Variants in ATXN2 observed in about 807,000 individuals in gnomAD.
ATXN2 encodes the protein ataxin 2.
A neutral mutation model predicts 138.6 loss-of-function variants in ATXN2; 37 were observed. The observed-to-expected ratio is 0.27, with a 90% CI of 0.21 to 0.35. The LOEUF is 0.35. ATXN2 is among the 10% of genes least tolerant of loss of function. The probability of loss-of-function intolerance (pLI) is 1.00; values close to 1 mark genes in which losing one functional copy is unlikely to be tolerated. For missense variants in ATXN2, 1,216 were observed against 1,480.3 expected (o/e 0.82, Z 2.93); for synonymous variants, 549 against 543.7 (o/e 1.01, Z -0.13).
intron 1 of ATXN2, among the ~76,000 whole-genome samples, chr12:111,597,144 C>CA (rs1592943062): frequency 8.4e-6 from 1 of 119,418 alleles, no homozygotes; most frequent in East Asian, 2.4e-4. Context: ...GCTTCAGACT[C>CA]AGAGAAGGGG....
chr12:111,577,431 A>C (rs1336833606), intron 1 of ATXN2, among the ~76,000 whole-genome samples: 1 of 151,418 alleles, frequency 6.6e-6, no homozygotes, highest in Non-Finnish European at 1.5e-5. Flanking sequence ...ACACCCGGTT[A>C]ATTTTTAGTA....
intron 1 of ATXN2, among the ~76,000 whole-genome samples, chr12:111,558,501 A>G (rs538825306): frequency 6.6e-6 from 1 of 152,334 alleles, no homozygotes; most frequent in South Asian, 2.1e-4. Context: ...TCAAATTAAT[A>G]TAAAGAAATT....
At chr12:111,480,527 T>C (rs1325207518) in intron 18 of ATXN2, among the ~76,000 whole-genome samples, 1 of 151,950 alleles carries the variant, frequency 6.6e-6, no homozygotes, top group Non-Finnish European at 1.5e-5. Flanking sequence ...ATACAAAAAT[T>C]AGCTGGGTGT....
chr12:111,538,105 GA>G (rs549612470), intron 5 of ATXN2, among the ~76,000 whole-genome samples: 2,272 of 132,816 alleles, frequency 0.017, 58 homozygotes, highest in African/African-American at 0.057. Context: ...CAAAATAGAA[GA>G]AAAAAAAAAA....
rs757060336 is a variant in ATXN2, at chr12:111,510,015, TA to T, written c.1757-18del. 18 of 1,542,766 alleles carry T rather than the reference TA, an allele frequency of 1.2e-5. No homozygotes were observed. In the East Asian group the frequency reaches 3.4e-4, roughly 29 times the overall value. On this transcript the variant is annotated intron_variant, in intron 12 of 24. Coordinates refer to ENST00000673436, the MANE Select transcript of ATXN2 (RefSeq NM_001372574.1). Reference sequence around the variant, plus strand: ...AATCTTTAGCTAGAAAACAATTTTTTAAAAAAAATTCAGATAAGTTAGAAAA... The same window carrying T: ...AATCTTTAGCTAGAAAACAATTTTTTAAAAAAATTCAGATAAGTTAGAAAA...
In ATXN2 at chr12:111,598,669, G is replaced by A. The variant is rs1885065660; in HGVS notation, c.251+115C>T. On this transcript the variant is annotated intron_variant, in intron 1 of 24. Coordinates refer to ENST00000673436, the MANE Select transcript of ATXN2 (RefSeq NM_001372574.1). The surrounding 1 kb of genome is among the most constrained non-coding windows in gnomAD (Gnocchi z 4.5). ...CCGAGCGAGTCTCCCCCGCGCTGCCGGCCCCCAGCCCACCCCGGGTAGCCC... is the reference window on the plus strand; with the variant it reads ...CCGAGCGAGTCTCCCCCGCGCTGCCAGCCCCCAGCCCACCCCGGGTAGCCC... The A allele has an allele frequency of 2.3e-6, 2 of 887,288 alleles. No homozygotes were observed. Among genetic ancestry groups the A allele is most frequent in the Non-Finnish European group, 2.7e-6 (2 of 734,098 alleles). 55.0% of individuals were successfully genotyped at this position (887,288 alleles called of 1,614,324 possible).
At chr12:111,492,032 C>A (rs1482103527) in intron 14 of ATXN2, among the ~76,000 whole-genome samples, 7 of 152,106 alleles carry the variant, frequency 4.6e-5, no homozygotes, top group Non-Finnish European at 8.8e-5. Flanking sequence ...ACTAAAGCAC[C>A]CTTGGGCCTT....
At chr12:111,589,414 T>C (rs906025917) in intron 1 of ATXN2, among the ~76,000 whole-genome samples, 4 of 152,002 alleles carry the variant, frequency 2.6e-5, no homozygotes, top group Non-Finnish European at 5.9e-5. Flanking sequence ...GGGCAAATTG[T>C]TTGAGGTCAG....
intron 8 of ATXN2, 146 bp from the exon 9 acceptor site, chr12:111,518,573 G>A (rs1879982637): frequency 1.3e-6 from 1 of 779,680 alleles, no homozygotes; most frequent in Non-Finnish European, 1.9e-6. Context: ...AGATGCCCCT[G>A]TTCTTCCATC....
intron 14 of ATXN2, among the ~76,000 whole-genome samples, chr12:111,505,160 G>A (rs1429870404): frequency 6.6e-6 from 1 of 152,112 alleles, no homozygotes; most frequent in East Asian, 1.9e-4. Flanking sequence ...TGTGAGCCAA[G>A]ATTGCACCAC....
intron 1 of ATXN2, among the ~76,000 whole-genome samples, chr12:111,568,124 G>T (rs373051326): frequency 6.6e-6 from 1 of 151,990 alleles, no homozygotes; most frequent in Non-Finnish European, 1.5e-5. Flanking sequence ...AGCCGGGCGT[G>T]GTGGCACATG....
At position 111,597,965 on chromosome 12, in the gene ATXN2, A is replaced by G. The variant is rs114582053; in HGVS notation, c.251+819T>C. 547 of 1,228,476 alleles carry G rather than the reference A, an allele frequency of 4.5e-4. 3 individuals are homozygous for G. In the African/African-American group the frequency reaches 8.1e-3, roughly 18 times the overall value. The allele number at this position is 1,228,476 out of a possible 1,614,324, so 76.1% of individuals were successfully genotyped here. A position where few individuals can be genotyped will look rare whatever the true frequency, so the allele number is the denominator to read the frequency against. ...ACTGCGGCCTCGAACAGCAATGCGGATCGGCCACCACCCGCGCGCCGGAGA... is the reference window on the plus strand; with the variant it reads ...ACTGCGGCCTCGAACAGCAATGCGGGTCGGCCACCACCCGCGCGCCGGAGA... On this transcript the variant is annotated intron_variant, in intron 1 of 24. Coordinates refer to ENST00000673436, the MANE Select transcript of ATXN2 (RefSeq NM_001372574.1).
intron 9 of ATXN2, 141 bp downstream of exon 9, chr12:111,518,108 T>A: frequency 1.4e-6 from 1 of 699,436 alleles, no homozygotes. Context: ...AAAGCCAATT[T>A]TAAGTAATGC....
Position 111,598,840 on chromosome 12 carries a change from C to G in ATXN2, c.195G>C (p.Thr65=). ...SSSSVSSSSA[T]APSSVVAATS... ...TCGCCGCGACCACCGAGGAGGGAGC[C>G]GTGGCCGAGGACGAGGAGACCGAGG... The change falls in exon 1 of 25, where the codon ACG becomes ACC. Residue 65 remains threonine (T), a synonymous_variant. Transcript: ENST00000673436. This position sits in a 1 kb window ranked among gnomAD's most constrained non-coding sequence, Gnocchi z 4.5. 1 of 1,468,042 alleles carries G rather than the reference C, an allele frequency of 6.8e-7. No homozygotes were observed. Among genetic ancestry groups the G allele is most frequent in the South Asian group, 1.3e-5 (1 of 78,426 alleles). The allele number at this position is 1,468,042 out of a possible 1,614,324, so 90.9% of individuals were successfully genotyped here. A position where few individuals can be genotyped will look rare whatever the true frequency, so the allele number is the denominator to read the frequency against.
At position 111,488,481 on chromosome 12, in the gene ATXN2, T is replaced by C. The variant is rs1220668527; in HGVS notation, c.2235A>G (p.Ala745=). ...TAAGTTCCAGGTTTACTCACTCAGC[T>C]GCGTCTTTCTTCTCTTCCTTATCGT... ...EKDDKEEKKD[A]AEQVRKSTLN... is the part of the protein sequence containing the mutation. Residue 745 remains alanine (A), a synonymous_variant, in exon 15 of 25, where the codon GCA becomes GCG. Coordinates refer to ENST00000673436, the MANE Select transcript of ATXN2 (RefSeq NM_001372574.1). 2 of 1,607,450 alleles carry C rather than the reference T, an allele frequency of 1.2e-6. No individual in the cohort carries two copies. The highest frequency in any genetic ancestry group is 1.7e-6 in the Non-Finnish European group (2 of 1,176,164).
At chr12:111,529,594 T>C (rs1372237527) in intron 5 of ATXN2, among the ~76,000 whole-genome samples, 1 of 152,186 alleles carries the variant, frequency 6.6e-6, no homozygotes, top group Non-Finnish European at 1.5e-5. Context: ...GGGCAGAAAC[T>C]TAGTCATTTT....
intron 1 of ATXN2, among the ~76,000 whole-genome samples, chr12:111,558,310 A>C (rs1029706174): frequency 6.6e-6 from 1 of 152,182 alleles, no homozygotes; most frequent in African/African-American, 2.4e-5. Flanking sequence ...CTCAAACCAA[A>C]TATTTTACTA....
intron 1 of ATXN2, among the ~76,000 whole-genome samples, chr12:111,560,488 C>T (rs1256608240): frequency 6.6e-6 from 1 of 152,056 alleles, no homozygotes; most frequent in East Asian, 1.9e-4. Flanking sequence ...TGTAGCTTAA[C>T]AGCTGGGTAC....
At chr12:111,574,201 G>A (rs976125772) in intron 1 of ATXN2, among the ~76,000 whole-genome samples, 17 of 150,678 alleles carry the variant, frequency 1.1e-4, no homozygotes, top group South Asian at 2.1e-4. Flanking sequence ...CCAGCTACTC[G>A]GGAGGTGGAG....
Sources: gnomAD v4.1 joint callset for allele counts (sites outside exome capture counted in the v4.1 genomes callset) on GRCh38, gnomAD v4.1.1 for gene constraint, Gnocchi (gnomAD v3.1) non-coding constraint, MANE v1.5 for transcripts, NCBI Gene and HGNC (gene_info 2026-07-23, HGNC 2026-07-21) for gene names.